The following GSG1L variants were observed in gnomAD, a reference collection of about 807,000 sequenced individuals.
GSG1L encodes the protein GSG1 like, also known as germ cell-specific gene 1-like protein.
GSG1L carries 24 observed loss-of-function variants against 42.1 expected under a neutral mutation model. The ratio of observed to expected loss-of-function variants is 0.57; its 90% CI spans 0.41 to 0.80. The LOEUF is 0.80. Ranked by LOEUF, GSG1L falls within the 30% of genes least tolerant of loss-of-function variation. The probability of loss-of-function intolerance (pLI) is 0.00; values close to 1 mark genes in which losing one functional copy is unlikely to be tolerated. For synonymous variants in GSG1L, 215 were observed against 203.5 expected (o/e 1.06, Z -0.48); for missense variants, 445 against 472.2 (o/e 0.94, Z 0.53).
At chr16:28,049,917 G>A (rs544723546) in intron 1 of GSG1L, among the ~76,000 whole-genome samples, 2 of 152,188 alleles carry the variant, frequency 1.3e-5, no homozygotes, top group Non-Finnish European at 2.9e-5. Context: ...TGGAATTCAA[G>A]CACTACATCT....
chr16:27,900,198 C>T lies in GSG1L; in HGVS notation c.398-15560G>A, dbSNP rs370778069. 6.4e-4 allele frequency among the ~76,000 whole-genome samples: 98 copies of T among 152,344 alleles called. 1 individual carries two copies. Among genetic ancestry groups the T allele is most frequent in the South Asian group, 2.3e-3 (11 of 4,824 alleles). ...CTCCAGGAACCCCAAATTGAACCTG[C>T]GGGGTGAGACACACACCCAGTGACA... On this transcript the variant is annotated intron_variant, in intron 2 of 6. Coordinates refer to ENST00000447459, the MANE Select transcript of GSG1L (RefSeq NM_001109763.2).
chr16:27,872,279 A>G (rs2083830706), intron 3 of GSG1L, among the ~76,000 whole-genome samples: 1 of 152,198 alleles, frequency 6.6e-6, no homozygotes, highest in African/African-American at 2.4e-5. Context: ...TCTCATGTCC[A>G]GTCCTAGCAG....
intron 3 of GSG1L, among the ~76,000 whole-genome samples, chr16:27,851,212 T>C (rs1167359174): frequency 6.6e-6 from 1 of 152,136 alleles, no homozygotes; most frequent in Non-Finnish European, 1.5e-5. Context: ...TTTTTTGTTT[T>C]TTAAGACAGG....
intron 4 of GSG1L, among the ~76,000 whole-genome samples, chr16:27,832,047 C>T (rs973581647): frequency 1.9e-4 from 29 of 152,222 alleles, no homozygotes; most frequent in Admixed American, 9.8e-4. Context: ...AAGAAGCCCC[C>T]TCTCCATCAT....
At chr16:27,891,882 A>ATTTT (rs1224468785) in intron 2 of GSG1L, among the ~76,000 whole-genome samples, 3 of 50,498 alleles carry the variant, frequency 5.9e-5, no homozygotes, top group Non-Finnish European at 1.5e-4. Context: ...TCAGTGACAG[A>ATTTT]TCTTTTTTTT....
chr16:27,901,786 G>T (rs1031940117), intron 2 of GSG1L, among the ~76,000 whole-genome samples: 1 of 152,202 alleles, frequency 6.6e-6, no homozygotes. Context: ...CCAGCTCCGT[G>T]CCTTGACATT....
At chr16:27,875,696 T>C (rs1898140700) in intron 3 of GSG1L, among the ~76,000 whole-genome samples, 1 of 152,212 alleles carries the variant, frequency 6.6e-6, no homozygotes, top group Non-Finnish European at 1.5e-5. Context: ...ACCTGGCTAA[T>C]GAGAGTAATT....
At chr16:27,869,335 G>A (rs575285537) in intron 3 of GSG1L, among the ~76,000 whole-genome samples, 24 of 151,732 alleles carry the variant, frequency 1.6e-4, no homozygotes, top group Admixed American at 2.6e-4. Flanking sequence ...CTTTGATGAT[G>A]GGCTGGTATA....
At chr16:27,979,758 G>GAAAGAAAGAA (rs2085302587) in intron 1 of GSG1L, among the ~76,000 whole-genome samples, 1 of 107,434 alleles carries the variant, frequency 9.3e-6, no homozygotes, top group Non-Finnish European at 2.0e-5. Flanking sequence ...AGGAAAGAAA[G>GAAAGAAAGAA]AAAGAAAGAA....
intron 2 of GSG1L, among the ~76,000 whole-genome samples, chr16:27,943,336 T>C (rs2084822184): frequency 6.6e-6 from 1 of 151,982 alleles, no homozygotes; most frequent in Non-Finnish European, 1.5e-5. Flanking sequence ...CAAATATCCA[T>C]TAAGAATAGA....
chr16:27,964,174 A>T (rs770822502), intron 1 of GSG1L, among the ~76,000 whole-genome samples: 1 of 152,162 alleles, frequency 6.6e-6, no homozygotes, highest in Non-Finnish European at 1.5e-5. Flanking sequence ...TACTAAAAAT[A>T]CAAAAACTAG....
At chr16:28,037,906 C>T (rs1247104666) in intron 1 of GSG1L, among the ~76,000 whole-genome samples, 1 of 152,166 alleles carries the variant, frequency 6.6e-6, no homozygotes, top group Non-Finnish European at 1.5e-5. Flanking sequence ...TAAGCCCTCC[C>T]ATGACTGCCT....
chr16:27,836,300 T>A (rs895444176), intron 4 of GSG1L, among the ~76,000 whole-genome samples: 1 of 152,118 alleles, frequency 6.6e-6, no homozygotes, highest in African/African-American at 2.4e-5. Context: ...TAACTTTAGT[T>A]TTTTTTCAAG....
At position 27,884,594 on chromosome 16, in the gene GSG1L, G is replaced by T; in HGVS notation, c.442C>A (p.Leu148Met). 6.2e-7 allele frequency: 1 copy of T among 1,611,012 alleles called. No homozygotes were observed. The highest frequency in any genetic ancestry group is 1.1e-5 in the South Asian group (1 of 90,286). The change falls in exon 3 of 7, where the codon CTG becomes ATG. Residue 148 changes from leucine (L) to methionine (M), a missense_variant. Coordinates refer to ENST00000447459, the MANE Select transcript of GSG1L (RefSeq NM_001109763.2). The surrounding 1 kb of genome is among the most constrained non-coding windows in gnomAD (Gnocchi z 4.4). ...SVVSEVLYIL[L>M]LVVGFSLMCL... The stretch of plus-strand genomic sequence containing the variant: ...ATGAGGCTGAAGCCAACCACCAGCA[G>T]CAGAATGTACAGCACCTCGGAGACC...
intron 1 of GSG1L, among the ~76,000 whole-genome samples, chr16:27,979,703 G>GA (rs1334320553): frequency 3.6e-5 from 2 of 55,704 alleles, no homozygotes; most frequent in East Asian, 6.5e-4. Flanking sequence ...AGGAAGGAAG[G>GA]AAGGAAGGAA....
At chr16:28,055,458 C>T (rs1670498178) in intron 1 of GSG1L, among the ~76,000 whole-genome samples, 1 of 150,136 alleles carries the variant, frequency 6.7e-6, no homozygotes, top group African/African-American at 2.4e-5. Context: ...AATAAACTCC[C>T]CCTTTTATTA....
intron 6 of GSG1L, among the ~76,000 whole-genome samples, chr16:27,793,014 T>C (rs1278411819): frequency 1.3e-5 from 2 of 152,272 alleles, no homozygotes; most frequent in Non-Finnish European, 2.9e-5. Context: ...GTGATCCGTA[T>C]AATTTCATTT....
At position 28,063,218 on chromosome 16, in the gene GSG1L, G is replaced by A. The variant is rs2086365187; in HGVS notation, c.207C>T (p.Ala69=). 4.0e-6 allele frequency: 5 copies of A among 1,251,142 alleles called. No individual in the cohort carries two copies. In the East Asian group the frequency reaches 1.7e-4, roughly 43 times the overall value. The allele number at this position is 1,251,142 out of a possible 1,614,324, so 77.5% of individuals were successfully genotyped here. The change falls in exon 1 of 7, where the codon GCC becomes GCT. Residue 69 remains alanine, a synonymous_variant. Transcript: ENST00000447459. The surrounding 1 kb of genome is among the most constrained non-coding windows in gnomAD (Gnocchi z 5.8). ...CCGAGGCGGTGGCGGCGGCGGCGGC[G>A]GCGGCGGGGGCGGCGGTGCCGTTGG... The part of the protein sequence containing the change: ...ATANGTAAPA[A]AAAAATASGN...
intron 4 of GSG1L, among the ~76,000 whole-genome samples, chr16:27,837,128 A>G (rs1195423193): frequency 6.6e-6 from 1 of 152,222 alleles, no homozygotes; most frequent in Non-Finnish European, 1.5e-5. Flanking sequence ...AGGAGGCCTC[A>G]GGAAACTTAT....
Sources: gnomAD v4.1 joint callset for allele counts (sites outside exome capture counted in the v4.1 genomes callset) on GRCh38, gnomAD v4.1.1 for gene constraint, Gnocchi (gnomAD v3.1) non-coding constraint, MANE v1.5 for transcripts, NCBI Gene and HGNC (gene_info 2026-07-23, HGNC 2026-07-21) for gene names.